Variants in CDON observed in about 807,000 individuals in gnomAD.
CDON encodes the protein cell adhesion associated, oncogene regulated.
In CDON, 73 loss-of-function variants were observed where a neutral mutation model predicts 120.9. The ratio of observed to expected loss-of-function variants is 0.60; its 90% CI spans 0.50 to 0.73. The LOEUF is 0.73. CDON is among the 30% of genes least tolerant of loss of function. The pLI is 0.00. For missense variants in CDON, 1,470 were observed against 1,587.3 expected, an observed-to-expected ratio of 0.93 and a Z score of 1.26; for synonymous variants, 566 against 573.5, an observed-to-expected ratio of 0.99 and a Z score of 0.19.
chr11:125,971,501 G>A (rs535001315), intron 18 of CDON, among the ~76,000 whole-genome samples: 1 of 152,188 alleles, frequency 6.6e-6, no homozygotes, highest in Non-Finnish European at 1.5e-5. Context: ...GTTGGTGAAA[G>A]AGCATTCCCA....
intron 2 of CDON, among the ~76,000 whole-genome samples, chr11:126,022,965 A>G (rs1201264985): frequency 6.6e-6 from 1 of 152,248 alleles, no homozygotes. Context: ...AGGCAAGCTC[A>G]TAAGAGAAAG....
At chr11:125,988,383 T>A (rs117045215) in intron 15 of CDON, among the ~76,000 whole-genome samples, 1 of 152,096 alleles carries the variant, frequency 6.6e-6, no homozygotes, top group Non-Finnish European at 1.5e-5. Flanking sequence ...AAATGAATTT[T>A]TTTTTCTTTT....
intron 15 of CDON, among the ~76,000 whole-genome samples, chr11:125,987,842 A>G (rs930151534): frequency 2.6e-5 from 4 of 152,198 alleles, no homozygotes; most frequent in Non-Finnish European, 5.9e-5. Context: ...AGGTAAGTCT[A>G]AAGGTATATG....
intron 1 of CDON, among the ~76,000 whole-genome samples, chr11:126,038,907 A>T (rs1298197791): frequency 6.6e-6 from 1 of 152,224 alleles, no homozygotes; most frequent in East Asian, 1.9e-4. Context: ...TTGCTTGAAC[A>T]GCCTCGGGGT....
At chr11:126,056,652 G>A (rs965487475) in intron 1 of CDON, among the ~76,000 whole-genome samples, 1 of 152,098 alleles carries the variant, frequency 6.6e-6, no homozygotes, top group Admixed American at 6.6e-5. Flanking sequence ...TTCATCTACT[G>A]AATCATCTTG....
intron 18 of CDON, among the ~76,000 whole-genome samples, chr11:125,962,470 T>C (rs1477125373): frequency 6.6e-6 from 1 of 152,248 alleles, no homozygotes; most frequent in East Asian, 1.9e-4. Context: ...TCAGATTATA[T>C]GTTCCCCCTC....
At chr11:125,977,699 C>G (rs1946184196) in intron 18 of CDON, among the ~76,000 whole-genome samples, 1 of 152,118 alleles carries the variant, frequency 6.6e-6, no homozygotes, top group Non-Finnish European at 1.5e-5. Context: ...TGCCGAGTAT[C>G]CTATGTGTTA....
intron 18 of CDON, among the ~76,000 whole-genome samples, chr11:125,975,011 T>C (rs1218212844): frequency 6.6e-6 from 1 of 151,992 alleles, no homozygotes; most frequent in Non-Finnish European, 1.5e-5. Context: ...GTCTCACTGA[T>C]CCCCTCCCTC....
chr11:126,019,612 G>T lies in CDON; in HGVS notation c.496+7C>A, dbSNP rs1264049863. On this transcript the variant is annotated splice_region_variant and intron_variant, in intron 4 of 19. Transcript: ENST00000531738. Reference sequence around the variant, plus strand: ...GTGTGCCACCGGCTTTTCACAAAAGGTCTCACCTGTGGAATGTTCCAGCCA... The same window carrying T: ...GTGTGCCACCGGCTTTTCACAAAAGTTCTCACCTGTGGAATGTTCCAGCCA... The T allele has an allele frequency of 4.3e-6, 7 of 1,613,844 alleles. No individual in the cohort carries two copies. Among genetic ancestry groups the T allele is most frequent in the Non-Finnish European group, 5.1e-6 (6 of 1,179,960 alleles).
At chr11:125,997,914 C>T (rs142509125) in intron 11 of CDON, among the ~76,000 whole-genome samples, 32 of 152,190 alleles carry the variant, frequency 2.1e-4, no homozygotes, top group African/African-American at 4.8e-4. Context: ...AAAATACAGA[C>T]TATAAGTGGC....
In CDON at chr11:125,958,593, T is replaced by TTTA. The variant is rs1565482766; in HGVS notation, c.*2348_*2349insTAA. 6 of 103,158 alleles carry TTTA rather than the reference T, an allele frequency of 5.8e-5. No homozygotes were observed. The highest frequency in any genetic ancestry group is 2.2e-4 in the African/African-American group (5 of 22,764). 6.4% of individuals were successfully genotyped at this position (103,158 alleles called of 1,614,324 possible). On this transcript the variant is annotated 3_prime_UTR_variant, in exon 20 of 20. Transcript: ENST00000531738. ...TGTGTGTGTGTGTGTGTGTGTGTGTTTATATATATATATTTATATATTTCA... is the reference window on the plus strand; with the variant it reads ...TGTGTGTGTGTGTGTGTGTGTGTGTTTTATATATATATATATTTATATATTTCA...
At chr11:126,013,071 T>C (rs1173520362) in intron 7 of CDON, among the ~76,000 whole-genome samples, 1 of 152,270 alleles carries the variant, frequency 6.6e-6, no homozygotes, top group African/African-American at 2.4e-5. Flanking sequence ...CTAACATGGA[T>C]ACTTAATTAC....
Position 126,015,521 on chromosome 11 carries a change from AAC to A in CDON, c.929-13_929-12del. ...AAATGGAAGCATGTTCTGAAAATAA[AAC>A]ACACAAATTAAACTCTAGCCCTCAA... On this transcript the variant is annotated splice_polypyrimidine_tract_variant and intron_variant, in intron 6 of 19. Coordinates refer to ENST00000531738, the MANE Select transcript of CDON (RefSeq NM_001378964.1). The A allele has an allele frequency of 2.5e-6, 4 of 1,613,466 alleles. No homozygotes were observed. The highest frequency in any genetic ancestry group is 2.5e-6 in the Non-Finnish European group (3 of 1,179,586).
chr11:125,966,829 T>C (rs1265555062), intron 18 of CDON, among the ~76,000 whole-genome samples: 1 of 151,074 alleles, frequency 6.6e-6, no homozygotes, highest in Non-Finnish European at 1.5e-5. Context: ...GTCTTTAAAG[T>C]ACAGAAAGAC....
At chr11:126,032,810 C>G (rs1183309569) in intron 1 of CDON, among the ~76,000 whole-genome samples, 1 of 152,160 alleles carries the variant, frequency 6.6e-6, no homozygotes, top group African/African-American at 2.4e-5. Context: ...AATTCCAAGA[C>G]CAGCCTGGGC....
At chr11:126,038,727 G>C (rs1164409690) in intron 1 of CDON, among the ~76,000 whole-genome samples, 2 of 151,810 alleles carry the variant, frequency 1.3e-5, no homozygotes, top group Admixed American at 6.6e-5. Flanking sequence ...TAGTTGCAAA[G>C]TGTTCCAAGA....
intron 1 of CDON, among the ~76,000 whole-genome samples, chr11:126,058,453 T>C (rs1428182764): frequency 6.6e-6 from 1 of 152,174 alleles, no homozygotes; most frequent in Non-Finnish European, 1.5e-5. Flanking sequence ...ATGCCCAGGA[T>C]TAAGGTGGAA....
chr11:125,972,213 G>A (rs541041867), intron 18 of CDON, among the ~76,000 whole-genome samples: 119 of 152,030 alleles, frequency 7.8e-4, no homozygotes, highest in African/African-American at 2.7e-3. Flanking sequence ...ATCACATGAG[G>A]CCAGGAGTGC....
intron 10 of CDON, 43 bp from the exon 11 acceptor site, chr11:126,001,893 G>A: frequency 7.0e-7 from 1 of 1,433,298 alleles, no homozygotes; most frequent in African/African-American, 1.4e-5. Context: ...AAGCATATAT[G>A]TATGTAAAGT....
Sources: gnomAD v4.1 joint callset for allele counts (sites outside exome capture counted in the v4.1 genomes callset) on GRCh38, gnomAD v4.1.1 for gene constraint, MANE v1.5 for transcripts, NCBI Gene and HGNC (gene_info 2026-07-23, HGNC 2026-07-21) for gene names.